PPARGC1A: variants seen among roughly 807,000 people sequenced by gnomAD.
The protein encoded by PPARGC1A is peroxisome proliferator-activated receptor gamma coactivator 1-alpha.
Under a neutral mutation model 88.7 loss-of-function variants are expected in PPARGC1A, and 25 were observed. That is an observed-to-expected ratio of 0.28 (90% CI 0.21 to 0.39). The LOEUF is 0.39. PPARGC1A is among the 10% of genes least tolerant of loss of function. The probability of loss-of-function intolerance (pLI) is 1.00; values close to 1 mark genes in which losing one functional copy is unlikely to be tolerated. For synonymous variants in PPARGC1A, 363 were observed against 355.6 expected (o/e 1.02, Z -0.24); for missense variants, 880 against 968.7 (o/e 0.91, Z 1.22).
the PPARGC1A span, among the ~76,000 whole-genome samples, chr4:24,291,993 G>C: frequency 1.3e-4 from 20 of 152,344 alleles, no homozygotes; most frequent in African/African-American, 4.8e-4. Flanking sequence ...GAGCAGCACA[G>C]AAAACCTGCG....
chr4:24,294,437 G>A, the PPARGC1A span, among the ~76,000 whole-genome samples: 1 of 152,054 alleles, frequency 6.6e-6, no homozygotes, highest in Admixed American at 6.6e-5. Context: ...TATTCACTCT[G>A]GGGTTAAATC....
chr4:24,207,230 ATTTTTGAATTCACAC>A, the PPARGC1A span, among the ~76,000 whole-genome samples: 1 of 152,146 alleles, frequency 6.6e-6, no homozygotes, highest in South Asian at 2.1e-4. Context: ...AGGCAATATG[ATTTTTGAATTCACAC>A]TTTTTGAACA....
At chr4:23,983,515 T>C in the PPARGC1A span, among the ~76,000 whole-genome samples, 1 of 152,132 alleles carries the variant, frequency 6.6e-6, no homozygotes, top group Non-Finnish European at 1.5e-5. Context: ...AAAAACAGCA[T>C]CCACTTTCAT....
At chr4:24,352,302 G>A in the PPARGC1A span, among the ~76,000 whole-genome samples, 3 of 152,196 alleles carry the variant, frequency 2.0e-5, no homozygotes, top group African/African-American at 7.2e-5. Context: ...GCACAGGGAT[G>A]TAAGGCGCCC....
At chr4:24,155,134 T>C in the PPARGC1A span, among the ~76,000 whole-genome samples, 17 of 147,418 alleles carry the variant, frequency 1.2e-4, no homozygotes, top group Admixed American at 5.4e-4. Context: ...TTTTTTTTTT[T>C]TATCTATAGG....
At chr4:24,083,133 G>C in the PPARGC1A span, among the ~76,000 whole-genome samples, 1 of 152,252 alleles carries the variant, frequency 6.6e-6, no homozygotes, top group Admixed American at 6.5e-5. Context: ...GCCTGGAACT[G>C]TCCTAGGCCC....
At chr4:24,454,763 A>G in the PPARGC1A span, among the ~76,000 whole-genome samples, 1 of 152,160 alleles carries the variant, frequency 6.6e-6, no homozygotes, top group African/African-American at 2.4e-5. Flanking sequence ...TGTATTTGAC[A>G]TATTGTGTTT....
chr4:24,181,304 A>G, the PPARGC1A span, among the ~76,000 whole-genome samples: 1 of 152,116 alleles, frequency 6.6e-6, no homozygotes, highest in Non-Finnish European at 1.5e-5. Context: ...TTTAATTCCA[A>G]CTCTGCCTAA....
chr4:24,290,206 T>G, the PPARGC1A span, among the ~76,000 whole-genome samples: 5 of 151,170 alleles, frequency 3.3e-5, no homozygotes, highest in African/African-American at 1.2e-4. Flanking sequence ...ATCACCTTCT[T>G]TTTTTTTTAA....
chr4:23,824,567 C>G (rs927029715), intron 5 of PPARGC1A, 59 bp from the exon 6 acceptor site: 1 of 1,390,190 alleles, frequency 7.2e-7, no homozygotes, highest in Admixed American at 2.1e-5. Context: ...GATTTCTTTT[C>G]TCTCCACAAC....
At chr4:23,840,351 T>C (rs1726844822) in intron 2 of PPARGC1A, among the ~76,000 whole-genome samples, 1 of 152,050 alleles carries the variant, frequency 6.6e-6, no homozygotes, top group Non-Finnish European at 1.5e-5. Context: ...CATTCACCTA[T>C]CTGAATCCTT....
chr4:23,952,831 A>G, the PPARGC1A span, among the ~76,000 whole-genome samples: 1 of 152,080 alleles, frequency 6.6e-6, no homozygotes, highest in South Asian at 2.1e-4. Context: ...CTACGTGGCT[A>G]TTTGTTCTCT....
chr4:24,094,512 T>A, the PPARGC1A span, among the ~76,000 whole-genome samples: 1 of 152,340 alleles, frequency 6.6e-6, no homozygotes, highest in Admixed American at 6.5e-5. Flanking sequence ...CTAAAGATGA[T>A]GCAGAAATAT....
At chr4:24,155,116 G>A in the PPARGC1A span, among the ~76,000 whole-genome samples, 2 of 141,668 alleles carry the variant, frequency 1.4e-5, no homozygotes, top group African/African-American at 6.1e-5. Flanking sequence ...TTCGAACCTC[G>A]GTTTTGTTTT....
At chr4:23,882,332 A>C (rs184464180) in intron 2 of PPARGC1A, among the ~76,000 whole-genome samples, 7 of 152,294 alleles carry the variant, frequency 4.6e-5, no homozygotes, top group African/African-American at 1.7e-4. Context: ...CTTCTCTCAG[A>C]AATCTGACCA....
the PPARGC1A span, among the ~76,000 whole-genome samples, chr4:24,151,978 G>A: frequency 6.6e-6 from 1 of 152,228 alleles, no homozygotes; most frequent in Non-Finnish European, 1.5e-5. Context: ...ATAATGCACA[G>A]GAAGGGGAAA....
At chr4:24,235,460 G>A in the PPARGC1A span, among the ~76,000 whole-genome samples, 1 of 152,146 alleles carries the variant, frequency 6.6e-6, no homozygotes, top group African/African-American at 2.4e-5. Context: ...GGAAATCTCT[G>A]TAATTAACAA....
At chr4:24,050,069 A>G in the PPARGC1A span, among the ~76,000 whole-genome samples, 1 of 152,026 alleles carries the variant, frequency 6.6e-6, no homozygotes, top group African/African-American at 2.4e-5. Flanking sequence ...TTTTTTGTGA[A>G]TTATTTTATG....
the PPARGC1A span, among the ~76,000 whole-genome samples, chr4:23,948,195 G>T: frequency 2.0e-5 from 3 of 152,146 alleles, no homozygotes; most frequent in Admixed American, 6.6e-5. Context: ...GAACCATGTG[G>T]TTGGGATACA....
Sources: allele counts gnomAD v4.1 joint callset (sites outside exome capture counted in the v4.1 genomes callset), GRCh38; gene constraint gnomAD v4.1.1; transcripts MANE v1.5; gene names NCBI Gene and HGNC (gene_info 2026-07-23, HGNC 2026-07-21).